HLF: variants seen among roughly 807,000 people sequenced by gnomAD.
HLF encodes HLF transcription factor, PAR bZIP family member.
HLF carries 3 observed loss-of-function variants against 22.6 expected under a neutral mutation model. The ratio of observed to expected loss-of-function variants is 0.13; its 90% CI spans 0.06 to 0.34. The LOEUF is 0.34. Among genes scored for constraint, HLF ranks in the 10% least tolerant of loss-of-function variants. HLF has a pLI of 1.00. For synonymous variants in HLF, 151 were observed against 151.8 expected, an observed-to-expected ratio of 0.99 and a Z score of 0.04; for missense variants, 299 against 389.2, an observed-to-expected ratio of 0.77 and a Z score of 1.95.
chr17:55,266,545 G>A lies in HLF; in HGVS notation c.115+946G>A, dbSNP rs1326916993. On this transcript the variant is annotated intron_variant, in intron 1 of 3. Transcript: ENST00000226067. The stretch of plus-strand genomic sequence containing the variant: ...ACTTGCACCTTCTTTTCTAGGAGAG[G>A]ACAACCTGTTGCATTGCAAGAGTTT... Among the ~76,000 whole-genome samples the A allele has an allele frequency of 3.3e-5, 5 of 152,232 alleles. No homozygotes were observed. In the East Asian group the frequency reaches 9.6e-4, roughly 29 times the overall value.
rs34087945 is a variant in HLF, at chr17:55,323,557, GT to G, written c.*2681del. On this transcript the variant is annotated 3_prime_UTR_variant, in exon 4 of 4. Coordinates refer to ENST00000226067, the MANE Select transcript of HLF (RefSeq NM_002126.5). Reference sequence around the variant, plus strand: ...TGTATTCTCTTGTGTGCCAGGAGAGGTTTCAGAAACCTACCTCGTCTTACAA... The same window carrying G: ...TGTATTCTCTTGTGTGCCAGGAGAGGTTCAGAAACCTACCTCGTCTTACAA... 65,262 of 223,914 alleles carry G rather than the reference GT, an allele frequency of 0.29. 10,386 individuals carry two copies. The highest frequency in any genetic ancestry group is 0.34 in the Non-Finnish European group (38,042 of 112,136). 13.9% of individuals were successfully genotyped at this position (223,914 alleles called of 1,614,324 possible). A position where few individuals can be genotyped will look rare whatever the true frequency, so the allele number is the denominator to read the frequency against.
In HLF at chr17:55,324,033, G is replaced by A. The variant is rs551130232; in HGVS notation, c.*3154G>A. On this transcript the variant is annotated 3_prime_UTR_variant, in exon 4 of 4. Coordinates refer to ENST00000226067, the MANE Select transcript of HLF (RefSeq NM_002126.5). ...CTTTCTGCTGGTGCTGCCTTAAGGA[G>A]GTAGTTTGTTGAGGGGAGGGCTGTA... 3.9e-5 allele frequency: 9 copies of A among 229,316 alleles called. No homozygotes were observed. Among genetic ancestry groups the A allele is most frequent in the Non-Finnish European group, 6.1e-5 (7 of 115,594 alleles). 14.2% of individuals were successfully genotyped at this position (229,316 alleles called of 1,614,324 possible).
chr17:55,323,543 G>A lies in HLF; in HGVS notation c.*2664G>A, dbSNP rs557009000. 6.1e-5 allele frequency: 13 copies of A among 213,078 alleles called. No homozygotes were observed. Among genetic ancestry groups the A allele is most frequent in the African/African-American group, 2.3e-4 (10 of 43,814 alleles). 13.2% of individuals were successfully genotyped at this position (213,078 alleles called of 1,614,324 possible). ...AGATTCTAATAAAATGTATTCTCTT[G>A]TGTGCCAGGAGAGGTTTCAGAAACC... On this transcript the variant is annotated 3_prime_UTR_variant, in exon 4 of 4. Coordinates refer to ENST00000226067, the MANE Select transcript of HLF (RefSeq NM_002126.5).
At chr17:55,286,477 C>T (rs7223165) in intron 2 of HLF, among the ~76,000 whole-genome samples, 50,583 of 151,846 alleles carry the variant, frequency 0.33, 8,795 homozygotes, top group East Asian at 0.57. Context: ...ATCTCGCTTC[C>T]CTCAGCTCCT....
intron 2 of HLF, among the ~76,000 whole-genome samples, chr17:55,308,789 C>G (rs998939404): frequency 1.3e-5 from 2 of 152,210 alleles, no homozygotes; most frequent in African/African-American, 4.8e-5. Context: ...CACAGAAACT[C>G]ACCGTACACA....
chr17:55,298,146 C>T (rs1226051824), intron 2 of HLF, among the ~76,000 whole-genome samples: 1 of 152,090 alleles, frequency 6.6e-6, no homozygotes, highest in African/African-American at 2.4e-5. Flanking sequence ...CCTTATCAAC[C>T]AACTGACTCC....
Position 55,320,521 on chromosome 17 carries a change from A to G in HLF, c.673-143A>G. 1 of 656,574 alleles carries G rather than the reference A, an allele frequency of 1.5e-6. No homozygotes were observed. Among genetic ancestry groups the G allele is most frequent in the Non-Finnish European group, 2.6e-6 (1 of 378,168 alleles). 40.7% of individuals were successfully genotyped at this position (656,574 alleles called of 1,614,324 possible). A position where few individuals can be genotyped will look rare whatever the true frequency, so the allele number is the denominator to read the frequency against. ...GGGCCACACTCTCAGACATGCAGAA[A>G]CTGTAAAGGAAGGAGACACAAGCTA... On this transcript the variant is annotated intron_variant, in intron 3 of 3. Coordinates refer to ENST00000226067, the MANE Select transcript of HLF (RefSeq NM_002126.5). The surrounding 1 kb of genome is among the most constrained non-coding windows in gnomAD (Gnocchi z 4.2).
At chr17:55,316,297 A>G (rs1434645628) in intron 3 of HLF, among the ~76,000 whole-genome samples, 1 of 152,214 alleles carries the variant, frequency 6.6e-6, no homozygotes, top group Non-Finnish European at 1.5e-5. Context: ...TATGTAGTCA[A>G]GGCCTTGGAA....
In HLF at chr17:55,320,867, C is replaced by G. The variant is rs368484087; in HGVS notation, c.876C>G (p.His292Gln). ...KNILAKYEAR[H>Q]GPL ...TACTTGCCAAGTATGAGGCCAGGCA[C>G]GGGCCCCTGTAGGATGGCATTTTTG... The change falls in exon 4 of 4, where the codon CAC becomes CAG. Residue 292 changes from histidine to glutamine, a missense_variant. This residue lies in a region of HLF where 224 missense variants were observed against 298.1 expected (regional missense o/e 0.75). Coordinates refer to ENST00000226067, the MANE Select transcript of HLF (RefSeq NM_002126.5). The surrounding 1 kb of genome is among the most constrained non-coding windows in gnomAD (Gnocchi z 4.2). 6.2e-7 allele frequency: 1 copy of G among 1,611,588 alleles called. No individual in the cohort carries two copies.
intron 2 of HLF, among the ~76,000 whole-genome samples, chr17:55,313,359 CGTGTGT>C (rs58593405): frequency 0.011 from 1,627 of 147,232 alleles, 25 homozygotes; most frequent in African/African-American, 0.038. Context: ...GAGGTGTGTG[CGTGTGT>C]GTGTGTGTGT....
At position 55,265,972 on chromosome 17, in the gene HLF, G is replaced by T. The variant is rs2080783758; in HGVS notation, c.115+373G>T. The T allele has an allele frequency of 1.7e-5, 8 of 467,436 alleles. No homozygotes were observed. In the South Asian group the frequency reaches 5.2e-4, roughly 31 times the overall value. The allele number at this position is 467,436 out of a possible 1,614,324, so 29.0% of individuals were successfully genotyped here. A position where few individuals can be genotyped will look rare whatever the true frequency, so the allele number is the denominator to read the frequency against. On this transcript the variant is annotated intron_variant, in intron 1 of 3. Coordinates refer to ENST00000226067, the MANE Select transcript of HLF (RefSeq NM_002126.5). Reference sequence around the variant, plus strand: ...GCAGAGCCTCCCGGGCTGGGGAGGAGAAACCCTGGGGCCTGGTTCTGTGCG... The same window carrying T: ...GCAGAGCCTCCCGGGCTGGGGAGGATAAACCCTGGGGCCTGGTTCTGTGCG...
chr17:55,320,523 T>C lies in HLF; in HGVS notation c.673-141T>C. 1.5e-6 allele frequency: 1 copy of C among 664,474 alleles called. No homozygotes were observed. The highest frequency in any genetic ancestry group is 2.6e-6 in the Non-Finnish European group (1 of 384,886). The allele number at this position is 664,474 out of a possible 1,614,324, so 41.2% of individuals were successfully genotyped here. A position where few individuals can be genotyped will look rare whatever the true frequency, so the allele number is the denominator to read the frequency against. Reference sequence around the variant, plus strand: ...GCCACACTCTCAGACATGCAGAAACTGTAAAGGAAGGAGACACAAGCTAAG... The same window carrying C: ...GCCACACTCTCAGACATGCAGAAACCGTAAAGGAAGGAGACACAAGCTAAG... On this transcript the variant is annotated intron_variant, in intron 3 of 3. Transcript: ENST00000226067. This position sits in a 1 kb window ranked among gnomAD's most constrained non-coding sequence, Gnocchi z 4.2.
At chr17:55,291,302 C>T (rs564041640) in intron 2 of HLF, among the ~76,000 whole-genome samples, 2 of 152,290 alleles carry the variant, frequency 1.3e-5, no homozygotes, top group South Asian at 2.1e-4. Context: ...TGCCTGGCAT[C>T]GAAGGACAGG....
At chr17:55,307,578 T>A (rs1176407376) in intron 2 of HLF, among the ~76,000 whole-genome samples, 1 of 152,090 alleles carries the variant, frequency 6.6e-6, no homozygotes, top group Non-Finnish European at 1.5e-5. Context: ...TATAGACAAT[T>A]TGCAAAATAT....
At chr17:55,293,092 A>G (rs1385465542) in intron 2 of HLF, among the ~76,000 whole-genome samples, 2 of 152,232 alleles carry the variant, frequency 1.3e-5, no homozygotes, top group Non-Finnish European at 2.9e-5. Flanking sequence ...TAGGGTGACT[A>G]TAGTTAACAA....
At chr17:55,312,786 A>T (rs1397236447) in intron 2 of HLF, among the ~76,000 whole-genome samples, 1 of 152,226 alleles carries the variant, frequency 6.6e-6, no homozygotes, top group Non-Finnish European at 1.5e-5. Flanking sequence ...TTTCGCAGCG[A>T]ACATCTTTGA....
In HLF at chr17:55,271,474, A is replaced by T. The variant is rs1453858975; in HGVS notation, c.451+3388A>T. 8 of 152,172 alleles carry T rather than the reference A, an allele frequency of 5.3e-5. No individual in the cohort carries two copies. The East Asian group carries it at 1.5e-3, about 29-fold the overall frequency. 9.4% of individuals were successfully genotyped at this position (152,172 alleles called of 1,614,324 possible). A position where few individuals can be genotyped will look rare whatever the true frequency, so the allele number is the denominator to read the frequency against. On this transcript the variant is annotated intron_variant, in intron 2 of 3. Coordinates refer to ENST00000226067, the MANE Select transcript of HLF (RefSeq NM_002126.5). The stretch of plus-strand genomic sequence containing the variant: ...ATGCATTTCTAGGTCTACCCCAAGG[A>T]TGTCTTGGAATGACAAGGTGAGCAT...
At chr17:55,285,394 T>G (rs781148386) in intron 2 of HLF, among the ~76,000 whole-genome samples, 3 of 152,198 alleles carry the variant, frequency 2.0e-5, no homozygotes, top group Admixed American at 1.3e-4. Context: ...TGTTTTCATT[T>G]CTTAAGCAGC....
At chr17:55,288,155 C>A (rs1287415116) in intron 2 of HLF, among the ~76,000 whole-genome samples, 4 of 151,296 alleles carry the variant, frequency 2.6e-5, no homozygotes, top group Admixed American at 2.0e-4. Flanking sequence ...TTTCTTTTTT[C>A]TTTTTCTTTT....
Sources: gnomAD v4.1 joint callset for allele counts (sites outside exome capture counted in the v4.1 genomes callset) on GRCh38, gnomAD v4.1.1 for gene constraint, gnomAD v4.1.1 regional missense constraint, Gnocchi (gnomAD v3.1) non-coding constraint, MANE v1.5 for transcripts, NCBI Gene and HGNC (gene_info 2026-07-23, HGNC 2026-07-21) for gene names.